Variants in PDXDC1 observed in about 807,000 individuals in gnomAD.
PDXDC1 encodes pyridoxal-dependent decarboxylase domain-containing protein 1.
Under a neutral mutation model 100.1 loss-of-function variants are expected in PDXDC1, and 42 were observed. The observed-to-expected ratio is 0.42, with a 90% confidence interval of 0.33 to 0.54. PDXDC1 has a LOEUF of 0.54. Among genes scored for constraint, PDXDC1 ranks in the 20% least tolerant of loss-of-function variants. The pLI is 0.10. For missense variants in PDXDC1, 636 were observed against 979.2 expected, an observed-to-expected ratio of 0.65 and a Z score of 4.68; for synonymous variants, 260 against 371.7, an observed-to-expected ratio of 0.70 and a Z score of 3.46.
At position 15,062,359 on chromosome 16, in the gene PDXDC1, G is replaced by A. The variant is rs150167815; in HGVS notation, c.1399+32303G>A. On this transcript the variant is annotated intron_variant, in intron 16 of 16. Coordinates refer to the PDXDC1 transcript ENST00000535621. ...CTAACACAATGTGAATGAATTACAC[G>A]CCCCTCAACAAATGAAACATAAAGA... Among the ~76,000 whole-genome samples, 753 of 152,192 alleles carry A rather than the reference G, an allele frequency of 4.9e-3. 4 individuals carry two copies. The highest frequency in any genetic ancestry group is 0.018 in the African/African-American group (727 of 41,522).
Position 15,037,199 on chromosome 16 carries a change from T to A in PDXDC1, c.*924T>A, listed in dbSNP as rs577396533. On this transcript the variant is annotated 3_prime_UTR_variant, in exon 23 of 23. Transcript: ENST00000396410. ...TCAGAAACAGGAGCCAGCAGAGCACTCTCTCACGCTGATCCAGCCGGGCAC... is the reference window on the plus strand; with the variant it reads ...TCAGAAACAGGAGCCAGCAGAGCACACTCTCACGCTGATCCAGCCGGGCAC... The A allele has an allele frequency of 6.6e-6, 1 of 152,300 alleles. No homozygotes were observed. The highest frequency in any genetic ancestry group is 2.1e-4 in the South Asian group (1 of 4,822). 9.4% of individuals were successfully genotyped at this position (152,300 alleles called of 1,614,324 possible).
At chr16:15,109,744 C>T (rs1276365690) in intron 16 of PDXDC1, among the ~76,000 whole-genome samples, 7 of 130,630 alleles carry the variant, frequency 5.4e-5, no homozygotes, top group East Asian at 4.4e-4. Flanking sequence ...CCAAGCTACT[C>T]GGGAAGCTGA....
chr16:15,149,357 G>A, the PDXDC1 span, among the ~76,000 whole-genome samples: 2 of 152,196 alleles, frequency 1.3e-5, no homozygotes, highest in African/African-American at 2.4e-5. Context: ...CCTCGAGGGT[G>A]GCCCTCCTTC....
chr16:14,989,993 C>T, intron 1 of PDXDC1: 2 of 1,463,568 alleles, frequency 1.4e-6, no homozygotes, highest in Middle Eastern at 2.4e-4. Flanking sequence ...TGGCGCCCGG[C>T]TCACCCCAGG....
At chr16:14,978,032 G>C (rs1469957493) in intron 1 of PDXDC1, among the ~76,000 whole-genome samples, 1 of 151,782 alleles carries the variant, frequency 6.6e-6, no homozygotes, top group Non-Finnish European at 1.5e-5. Context: ...ATATAGTTCT[G>C]TCCCTTGCTT....
At chr16:15,061,388 C>G (rs2044704482) in intron 16 of PDXDC1, 1 of 231,604 alleles carries the variant, frequency 4.3e-6, no homozygotes, top group Non-Finnish European at 8.3e-6. Context: ...CATGTTAAAA[C>G]AGCAACCCGT....
rs1285301728 is a variant in PDXDC1, at chr16:15,037,493, C to T, written c.*1218C>T. On this transcript the variant is annotated 3_prime_UTR_variant, in exon 23 of 23. Transcript: ENST00000396410. The stretch of plus-strand genomic sequence containing the variant: ...AAAATGCAGGGGGTTTTTTTTGGTG[C>T]AGATGATTAAACAGTCTTCCCTATT... 1 of 151,954 alleles carries T rather than the reference C, an allele frequency of 6.6e-6. No individual in the cohort carries two copies. The highest frequency in any genetic ancestry group is 2.4e-5 in the African/African-American group (1 of 41,294). 9.4% of individuals were successfully genotyped at this position (151,954 alleles called of 1,614,324 possible).
chr16:15,065,402 G>A (rs369670142), intron 16 of PDXDC1: 14 of 1,599,008 alleles, frequency 8.8e-6, no homozygotes, highest in Non-Finnish European at 1.2e-5. Context: ...ACAGACAGAG[G>A]CATTAACATG....
intron 16 of PDXDC1, among the ~76,000 whole-genome samples, chr16:15,062,904 C>T (rs1177837008): frequency 6.6e-6 from 1 of 152,172 alleles, no homozygotes; most frequent in African/African-American, 2.4e-5. Context: ...GCTCTGTTGC[C>T]CAGGATGAAG....
intron 16 of PDXDC1, among the ~76,000 whole-genome samples, chr16:15,095,664 C>T (rs949428300): frequency 6.6e-6 from 1 of 152,124 alleles, no homozygotes; most frequent in Non-Finnish European, 1.5e-5. Context: ...CCAGCCTGGC[C>T]AACATGACAA....
intron 19 of PDXDC1, 55 bp downstream of exon 19, chr16:15,033,454 G>A: frequency 6.3e-7 from 1 of 1,587,246 alleles, no homozygotes; most frequent in Non-Finnish European, 8.6e-7. Context: ...CCACCAAACA[G>A]CAGGGGCCAC....
intron 16 of PDXDC1, among the ~76,000 whole-genome samples, chr16:15,086,683 T>C (rs2045927202): frequency 6.6e-6 from 1 of 152,190 alleles, no homozygotes; most frequent in South Asian, 2.1e-4. Flanking sequence ...AAGACTTAAA[T>C]GCAATACTTC....
intron 16 of PDXDC1, chr16:15,136,278 C>G: frequency 1.6e-6 from 1 of 612,064 alleles, no homozygotes; most frequent in South Asian, 2.0e-5. Context: ...CCCACCACCC[C>G]AGGCTCACAG....
chr16:15,065,487 A>G, intron 16 of PDXDC1: 1 of 753,062 alleles, frequency 1.3e-6, no homozygotes, highest in Non-Finnish European at 2.1e-6. Flanking sequence ...GAATATAACA[A>G]GTGCTAGTAA....
chr16:15,011,613 T>G (rs1399221859), intron 8 of PDXDC1, among the ~76,000 whole-genome samples: 1 of 152,132 alleles, frequency 6.6e-6, no homozygotes, highest in African/African-American at 2.4e-5. Context: ...GGGAGAAATA[T>G]TTGCAAAACA....
chr16:15,033,447 C>G, intron 19 of PDXDC1, 48 bp downstream of exon 19: 10 of 1,598,804 alleles, frequency 6.3e-6, no homozygotes, highest in Non-Finnish European at 8.6e-6. Flanking sequence ...TTTTGTCCCA[C>G]CAAACAGCAG....
chr16:14,992,264 G>A (rs1409482759), intron 1 of PDXDC1, among the ~76,000 whole-genome samples: 1 of 152,278 alleles, frequency 6.6e-6, no homozygotes, highest in African/African-American at 2.4e-5. Flanking sequence ...AAGAGCAAAA[G>A]TGGCTTTATC....
chr16:14,991,267 ATGTGTGTGTGTGTGTG>A (rs10642182), intron 1 of PDXDC1, among the ~76,000 whole-genome samples: 187 of 149,852 alleles, frequency 1.2e-3, no homozygotes, highest in East Asian at 4.6e-3. Context: ...GTATATAGAT[ATGTGTGTGTGTGTGTG>A]TGTGTGTGTG....
chr16:15,085,995 A>C, intron 16 of PDXDC1: 1 of 657,112 alleles, frequency 1.5e-6, no homozygotes, highest in South Asian at 2.0e-5. Context: ...ATTACGGGGA[A>C]TATATGTCTA....
Sources: gnomAD v4.1 joint callset for allele counts (sites outside exome capture counted in the v4.1 genomes callset) on GRCh38, gnomAD v4.1.1 for gene constraint, MANE v1.5 for transcripts, NCBI Gene and HGNC (gene_info 2026-07-23, HGNC 2026-07-21) for gene names.